The following PRR35 variants were observed in gnomAD, a reference collection of about 807,000 sequenced individuals.
PRR35 encodes the protein proline rich 35.
In PRR35, 14 loss-of-function variants were observed where a neutral mutation model predicts 18.6. The observed-to-expected ratio is 0.75, with a 90% CI of 0.50 to 1.18. The LOEUF (loss-of-function observed/expected upper bound fraction) is 1.18, where lower values mean the gene tolerates loss of function less well. PRR35 is among the 50% of genes most tolerant of loss of function. The pLI is 0.00. For missense variants in PRR35, 832 were observed against 792.2 expected (o/e 1.05, Z -0.60); for synonymous variants, 425 against 378.2 (o/e 1.12, Z -1.43).
In PRR35 at chr16:565,327, G is replaced by C. The variant is rs749056282; in HGVS notation, c.*20G>C. 1.0e-5 allele frequency: 15 copies of C among 1,453,290 alleles called. No individual in the cohort carries two copies. In the African/African-American group the frequency reaches 2.2e-4, roughly 21 times the overall value. 90.0% of individuals were successfully genotyped at this position (1,453,290 alleles called of 1,614,324 possible). A position where few individuals can be genotyped will look rare whatever the true frequency, so the allele number is the denominator to read the frequency against. Reference sequence around the variant, plus strand: ...GTCTGACCTGCAGCGCCTGAGGTCTGACTGTCTCTGCCTGCAGCATGCCGG... The same window carrying C: ...GTCTGACCTGCAGCGCCTGAGGTCTCACTGTCTCTGCCTGCAGCATGCCGG... On this transcript the variant is annotated 3_prime_UTR_variant, in exon 3 of 3. Coordinates refer to ENST00000409413, the MANE Select transcript of PRR35 (RefSeq NM_145270.3).
rs1437336597 is a variant in PRR35, at chr16:563,848, G to A, written c.554G>A (p.Gly185Asp). 5.2e-6 allele frequency: 8 copies of A among 1,529,242 alleles called. No individual in the cohort carries two copies. The South Asian group carries it at 9.9e-5, about 19-fold the overall frequency. 94.7% of individuals were successfully genotyped at this position (1,529,242 alleles called of 1,614,324 possible). A position where few individuals can be genotyped will look rare whatever the true frequency, so the allele number is the denominator to read the frequency against. The change falls in exon 2 of 3, where the codon GGC becomes GAC. Residue 185 changes from glycine (G) to aspartate (D), a missense_variant. Transcript: ENST00000409413. Reference sequence around the variant, plus strand: ...GACATGGCCTCAGCAGGCCCTGAGGGCAGCGTCCCCTGCTATCCCCCGCCT... The same window carrying A: ...GACATGGCCTCAGCAGGCCCTGAGGACAGCGTCCCCTGCTATCCCCCGCCT... ...AGDMASAGPE[G>D]SVPCYPPPAP...
chr16:562,982 A>C (rs1048158005), intron 1 of PRR35, among the ~76,000 whole-genome samples: 10 of 149,828 alleles, frequency 6.7e-5, no homozygotes, highest in African/African-American at 2.2e-4. Context: ...TACACTTAAC[A>C]CTCAGAAATG....
intron 2 of PRR35, 140 bp from the exon 3 acceptor site, chr16:564,534 C>A: frequency 7.1e-7 from 1 of 1,402,500 alleles, no homozygotes; most frequent in Non-Finnish European, 9.5e-7. Flanking sequence ...ACCCGAGAGC[C>A]AGCGCGGGGG....
At position 563,866 on chromosome 16, in the gene PRR35, C is replaced by G; in HGVS notation, c.572C>G (p.Pro191Arg). ...AGPEGSVPCY[P>R]PPAPGEFPEA... is the part of the protein sequence containing the mutation. ...CCTGAGGGCAGCGTCCCCTGCTATC[C>G]CCCGCCTGCCCCAGGGGAGTTCCCT... Residue 191 changes from proline to arginine, a missense_variant, in exon 2 of 3, where the codon CCC becomes CGC. Transcript: ENST00000409413. The G allele has an allele frequency of 6.4e-7, 1 of 1,553,498 alleles. No homozygotes were observed. The highest frequency in any genetic ancestry group is 8.7e-7 in the Non-Finnish European group (1 of 1,147,808).
chr16:560,112 G>T (rs1194810374), upstream of PRR35, among the ~76,000 whole-genome samples: 4 of 151,638 alleles, frequency 2.6e-5, no homozygotes, highest in African/African-American at 9.7e-5. Flanking sequence ...GGCGGGAGGC[G>T]CCGGGCGCCC....
In PRR35 at chr16:564,084, C is replaced by T. The variant is rs1451208182; in HGVS notation, c.790C>T (p.Leu264=). The change falls in exon 2 of 3, where the codon CTG becomes TTG. Residue 264 remains leucine (L), a synonymous_variant. Coordinates refer to ENST00000409413, the MANE Select transcript of PRR35 (RefSeq NM_145270.3). ...PPQRPTPAPR[L]YYPLLLEHTL... The stretch of plus-strand genomic sequence containing the variant: ...TCAGCGCCCCACCCCGGCCCCCCGC[C>T]TGTACTACCCGCTGCTTCTGGAGCA... The T allele has an allele frequency of 2.6e-6, 4 of 1,562,328 alleles. No individual in the cohort carries two copies. The highest frequency in any genetic ancestry group is 1.2e-5 in the South Asian group (1 of 86,064).
At chr16:562,553 A>ACG (rs1179829093) in intron 1 of PRR35, among the ~76,000 whole-genome samples, 5 of 151,848 alleles carry the variant, frequency 3.3e-5, no homozygotes, top group African/African-American at 1.2e-4. Flanking sequence ...ACGCACATGC[A>ACG]CGCACACACA....
chr16:564,610 G>C, intron 2 of PRR35, 64 bp from the exon 3 acceptor site: 1 of 1,451,850 alleles, frequency 6.9e-7, no homozygotes, highest in Non-Finnish European at 9.1e-7. Flanking sequence ...CGTGAGGGGA[G>C]AGGGGCAGGG....
chr16:560,772 C>T (rs2035419582), intron 1 of PRR35, 111 bp downstream of exon 1: 10 of 864,660 alleles, frequency 1.2e-5, no homozygotes, highest in Admixed American at 6.6e-5. Context: ...GGGGGGCGGC[C>T]GGGTCCCCCC....
intron 1 of PRR35, among the ~76,000 whole-genome samples, chr16:560,959 G>T (rs1326129190): frequency 1.3e-5 from 2 of 151,588 alleles, no homozygotes; most frequent in Admixed American, 6.5e-5. Context: ...CAGGATCTGC[G>T]GGTGGCCGAT....
Position 563,560 on chromosome 16 carries a change from C to A in PRR35, c.266C>A (p.Thr89Asn), listed in dbSNP as rs1446792183. Residue 89 changes from threonine (T) to asparagine (N), a missense_variant, in exon 2 of 3, where the codon ACC becomes AAC. Around this residue, in one of 3 missense-constraint regions of PRR35, gnomAD observed 768 missense variants for 704.1 expected, o/e 1.09. Transcript: ENST00000409413. ...GSTTPRPHAP[T>N]PDRPGESDPG... Reference sequence around the variant, plus strand: ...ACCACGCCTAGGCCCCACGCACCCACCCCAGACCGCCCTGGGGAGTCCGAC... The same window carrying A: ...ACCACGCCTAGGCCCCACGCACCCAACCCAGACCGCCCTGGGGAGTCCGAC... 6.2e-7 allele frequency: 1 copy of A among 1,608,128 alleles called. No homozygotes were observed. The highest frequency in any genetic ancestry group is 1.7e-5 in the Admixed American group (1 of 59,538).
chr16:562,861 G>A (rs2035462297), intron 1 of PRR35, among the ~76,000 whole-genome samples: 1 of 152,194 alleles, frequency 6.6e-6, no homozygotes, highest in Non-Finnish European at 1.5e-5. Flanking sequence ...TGGCCTCAGG[G>A]GTGGGGATGT....
Position 565,380 on chromosome 16 carries a change from C to T in PRR35, c.*73C>T, listed in dbSNP as rs997208562. On this transcript the variant is annotated 3_prime_UTR_variant, in exon 3 of 3. Coordinates refer to ENST00000409413, the MANE Select transcript of PRR35 (RefSeq NM_145270.3). Reference sequence around the variant, plus strand: ...CCTCTCCTGCAGCCCCTGCCCCTCACCTGCCTGGGACCTGCCCCGCCTCCG... The same window carrying T: ...CCTCTCCTGCAGCCCCTGCCCCTCATCTGCCTGGGACCTGCCCCGCCTCCG... 6 of 1,379,128 alleles carry T rather than the reference C, an allele frequency of 4.4e-6. No homozygotes were observed. Among genetic ancestry groups the T allele is most frequent in the Non-Finnish European group, 5.7e-6 (6 of 1,055,020 alleles). The allele number at this position is 1,379,128 out of a possible 1,614,324, so 85.4% of individuals were successfully genotyped here. A position where few individuals can be genotyped will look rare whatever the true frequency, so the allele number is the denominator to read the frequency against.
chr16:563,290 C>T lies in PRR35; in HGVS notation c.-5C>T. 1 of 1,599,684 alleles carries T rather than the reference C, an allele frequency of 6.3e-7. No homozygotes were observed. The highest frequency in any genetic ancestry group is 1.3e-5 in the African/African-American group (1 of 74,920). Reference sequence around the variant, plus strand: ...GTGCCCGGCCCTGCCTCATAGCAGGCTGCCATGTCGCGGGAGGCGGGCTCA... The same window carrying T: ...GTGCCCGGCCCTGCCTCATAGCAGGTTGCCATGTCGCGGGAGGCGGGCTCA... On this transcript the variant is annotated 5_prime_UTR_variant, in exon 2 of 3. Coordinates refer to ENST00000409413, the MANE Select transcript of PRR35 (RefSeq NM_145270.3).
In PRR35 at chr16:564,949, C is replaced by T. The variant is rs575229540; in HGVS notation, c.1358C>T (p.Ala453Val). ...IRLELLTIHQALEQAVRPPDA... is the reference protein window; with the variant it reads ...IRLELLTIHQVLEQAVRPPDA... ...CTGGAGCTGCTCACCATTCACCAGG[C>T]GCTGGAGCAGGCCGTGAGGCCGCCA... The change falls in exon 3 of 3, where the codon GCG (alanine) becomes GTG (valine). Residue 453 changes from alanine to valine, a missense_variant. By Grantham distance (64) the Ala-to-Val change is moderately conservative (BLOSUM62 0). Coordinates refer to ENST00000409413, the MANE Select transcript of PRR35 (RefSeq NM_145270.3). The T allele has an allele frequency of 1.4e-4, 226 of 1,604,966 alleles. No homozygotes were observed. In the South Asian group the frequency reaches 2.3e-3, roughly 16 times the overall value.
chr16:564,204 G>A lies in PRR35; in HGVS notation c.910G>A (p.Val304Met), dbSNP rs2035491135. The A allele has an allele frequency of 2.6e-6, 4 of 1,568,562 alleles. No individual in the cohort carries two copies. The highest frequency in any genetic ancestry group is 2.3e-5 in the East Asian group (1 of 42,814). Residue 304 changes from valine to methionine, a missense_variant, in exon 2 of 3, where the codon GTG becomes ATG. Physicochemically the swap from Val to Met is conservative, Grantham distance 21 (BLOSUM62 1). Transcript: ENST00000409413. The part of the protein sequence containing the change: ...SGTPAPGLLK[V>M]PVPGLGPWPR... ...GACTCCGGCTCCTGGCCTGCTGAAGGTGCCAGTTCCAGGGCTGGGGCCCTG... is the reference window on the plus strand; with the variant it reads ...GACTCCGGCTCCTGGCCTGCTGAAGATGCCAGTTCCAGGGCTGGGGCCCTG...
At chr16:561,635 G>T (rs12598643) in intron 1 of PRR35, 462,068 of 726,900 alleles carry the variant, frequency 0.64, 149,081 homozygotes, top group Non-Finnish European at 0.66. Context: ...TGACTGCCCT[G>T]CAGGGCCCCA....
At chr16:562,932 T>C (rs946418586) in intron 1 of PRR35, among the ~76,000 whole-genome samples, 2 of 152,098 alleles carry the variant, frequency 1.3e-5, no homozygotes, top group African/African-American at 2.4e-5. Flanking sequence ...CGATAAACAA[T>C]GAACACCTTT....
At chr16:560,374 G>C (rs1317010398), upstream of PRR35, 2 of 979,076 alleles carry the variant, frequency 2.0e-6, no homozygotes, top group Non-Finnish European at 2.4e-6. Flanking sequence ...CCAGGCGCAC[G>C]CGCGCCCGCC....
Sources: allele counts gnomAD v4.1 joint callset (sites outside exome capture counted in the v4.1 genomes callset), GRCh38; gene constraint gnomAD v4.1.1; regional missense constraint gnomAD v4.1.1; transcripts MANE v1.5; gene names NCBI Gene and HGNC (gene_info 2026-07-23, HGNC 2026-07-21).